The following MYO1D variants were observed in gnomAD, a reference collection of about 807,000 sequenced individuals.
MYO1D encodes myosin ID.
MYO1D carries 83 observed loss-of-function variants against 122.0 expected under a neutral mutation model. That is an observed-to-expected ratio of 0.68 (90% CI 0.57 to 0.82). The LOEUF (loss-of-function observed/expected upper bound fraction) is 0.82, where lower values mean the gene tolerates loss of function less well. MYO1D is among the 40% of genes least tolerant of loss of function. MYO1D has a pLI of 0.00. For synonymous variants in MYO1D, 464 were observed against 446.9 expected (o/e 1.04, Z -0.48); for missense variants, 1,157 against 1,269.5 (o/e 0.91, Z 1.35).
At chr17:32,539,579 G>A (rs1910775389) in intron 21 of MYO1D, among the ~76,000 whole-genome samples, 2 of 152,076 alleles carry the variant, frequency 1.3e-5, no homozygotes, top group Non-Finnish European at 2.9e-5. Context: ...TCCTTGACTT[G>A]TGGCTTCATC....
At chr17:32,537,307 T>C (rs561129392) in intron 21 of MYO1D, among the ~76,000 whole-genome samples, 1 of 152,350 alleles carries the variant, frequency 6.6e-6, no homozygotes, top group African/African-American at 2.4e-5. Flanking sequence ...GTTGCCTGTT[T>C]TTGTAAATAA....
chr17:32,814,583 G>A (rs2090598508), intron 1 of MYO1D, among the ~76,000 whole-genome samples: 1 of 152,174 alleles, frequency 6.6e-6, no homozygotes, highest in Non-Finnish European at 1.5e-5. Context: ...AGTAATGAAA[G>A]CAAGAGAAAG....
In MYO1D at chr17:32,750,339, C is replaced by T. The variant is rs1439445469; in HGVS notation, c.1468-1333G>A. ...CAAAAGTTTCCCTGGGGAGGCCAGG[C>T]GTGGTGGCTCACGTCTGTAATCCCA... On this transcript the variant is annotated intron_variant, in intron 11 of 21. Transcript: ENST00000318217. 3.3e-5 allele frequency among the ~76,000 whole-genome samples: 5 copies of T among 152,120 alleles called. No homozygotes were observed. In the East Asian group the frequency reaches 5.8e-4, roughly 18 times the overall value.
At chr17:32,508,462 G>C (rs1567870650) in intron 21 of MYO1D, among the ~76,000 whole-genome samples, 1 of 151,882 alleles carries the variant, frequency 6.6e-6, no homozygotes, top group Non-Finnish European at 1.5e-5. Flanking sequence ...TTTTACTAGA[G>C]ACGGAATTTT....
chr17:32,853,763 CT>C (rs938194544), intron 1 of MYO1D, among the ~76,000 whole-genome samples: 18 of 152,164 alleles, frequency 1.2e-4, no homozygotes, highest in African/African-American at 3.9e-4. Context: ...AATTATGGAT[CT>C]TTTTTTCCAC....
chr17:32,499,066 G>A lies in MYO1D; in HGVS notation c.2865-4151C>T, dbSNP rs146724969. ...AAAATACGAAAATTAGCCGGGTGTG[G>A]TGGTGGGTGCCTGTAGTTCCAGCTA... is the stretch of plus-strand genomic sequence containing the variant. On this transcript the variant is annotated intron_variant, in intron 21 of 21. Transcript: ENST00000318217. 4 of 152,368 alleles carry A rather than the reference G, an allele frequency of 2.6e-5. No individual in the cohort carries two copies. The East Asian group carries it at 5.8e-4, about 22-fold the overall frequency. The allele number at this position is 152,368 out of a possible 1,614,324, so 9.4% of individuals were successfully genotyped here.
intron 20 of MYO1D, among the ~76,000 whole-genome samples, chr17:32,610,021 C>A (rs1258929660): frequency 2.0e-5 from 3 of 152,196 alleles, no homozygotes; most frequent in Non-Finnish European, 4.4e-5. Flanking sequence ...TGATGTAGCA[C>A]TTCACAGGAG....
intron 16 of MYO1D, among the ~76,000 whole-genome samples, chr17:32,683,448 TGTTAA>T (rs1033476399): frequency 8.4e-4 from 128 of 152,294 alleles, no homozygotes; most frequent in Admixed American, 1.6e-3. Context: ...CCTTTCTGTT[TGTTAA>T]GTTTTCCTTC....
intron 20 of MYO1D, among the ~76,000 whole-genome samples, chr17:32,619,642 C>T (rs2087829370): frequency 6.6e-6 from 1 of 152,200 alleles, no homozygotes; most frequent in Non-Finnish European, 1.5e-5. Flanking sequence ...GGTAAAACTA[C>T]TAAATAATTG....
chr17:32,590,275 C>A (rs565798785), intron 21 of MYO1D, among the ~76,000 whole-genome samples: 6 of 152,308 alleles, frequency 3.9e-5, no homozygotes, highest in African/African-American at 1.2e-4. Context: ...ATATTCTCCT[C>A]CCTTCTATGG....
chr17:32,850,522 G>C (rs1280061649), intron 1 of MYO1D, among the ~76,000 whole-genome samples: 1 of 152,146 alleles, frequency 6.6e-6, no homozygotes, highest in Non-Finnish European at 1.5e-5. Flanking sequence ...TGTCTGAGCA[G>C]TATAAAAACT....
chr17:32,651,439 A>C (rs2088386697), intron 19 of MYO1D, among the ~76,000 whole-genome samples: 2 of 152,112 alleles, frequency 1.3e-5, no homozygotes, highest in Non-Finnish European at 2.9e-5. Context: ...AGTCTCTCTC[A>C]CTGTTGAAAA....
chr17:32,728,348 G>C (rs754406343), intron 14 of MYO1D, among the ~76,000 whole-genome samples: 1 of 151,934 alleles, frequency 6.6e-6, no homozygotes, highest in Non-Finnish European at 1.5e-5. Flanking sequence ...TGGGATTACA[G>C]GGTGCACACC....
intron 11 of MYO1D, among the ~76,000 whole-genome samples, chr17:32,753,716 T>C (rs1435754118): frequency 1.3e-5 from 2 of 152,034 alleles, no homozygotes; most frequent in Non-Finnish European, 2.9e-5. Context: ...CTGGCCAACA[T>C]GGTGAAACTC....
rs534603018 is a variant in MYO1D, at chr17:32,624,250, C to CTATGTTGGCCAGGCTGGTATTGA, written c.2709+14449_2709+14471dup. On this transcript the variant is annotated intron_variant, in intron 20 of 21. Transcript: ENST00000318217. ...TTTTTTTTGTAGAGACAGGGTCTTG[C>CTATGTTGGCCAGGCTGGTATTGA]TATGTTGGCCAGGCTGGTATTGAAC... Among the ~76,000 whole-genome samples, 625 of 132,474 alleles carry CTATGTTGGCCAGGCTGGTATTGA rather than the reference C, an allele frequency of 4.7e-3. 5 individuals carry two copies. The highest frequency in any genetic ancestry group is 0.017 in the African/African-American group (576 of 33,732). The allele number at this position is 132,474 out of a possible 152,430, so 86.9% of individuals were successfully genotyped here. A position where few individuals can be genotyped will look rare whatever the true frequency, so the allele number is the denominator to read the frequency against.
At chr17:32,495,101 C>G (rs1909042328) in intron 21 of MYO1D, among the ~76,000 whole-genome samples, 186 bp from the exon 22 acceptor site, 1 of 152,248 alleles carries the variant, frequency 6.6e-6, no homozygotes, top group Admixed American at 6.5e-5. Context: ...GGCCTCCAAC[C>G]ACAGCCTCGG....
chr17:32,494,524 G>T lies in MYO1D; in HGVS notation c.*235C>A. On this transcript the variant is annotated 3_prime_UTR_variant, in exon 22 of 22. Transcript: ENST00000318217. ...AGATTGGTCTGGACGTCAGCCCAGG[G>T]GTCTGGGCGGGGCACCAGGGTCTTT... 3.5e-6 allele frequency: 2 copies of T among 564,188 alleles called. No individual in the cohort carries two copies. The highest frequency in any genetic ancestry group is 6.2e-6 in the Non-Finnish European group (2 of 322,174). The allele number at this position is 564,188 out of a possible 1,614,324, so 34.9% of individuals were successfully genotyped here.
chr17:32,867,034 T>C (rs2091131741), intron 1 of MYO1D, among the ~76,000 whole-genome samples: 1 of 152,188 alleles, frequency 6.6e-6, no homozygotes, highest in Non-Finnish European at 1.5e-5. Context: ...TCTAAAAATA[T>C]GATATATTGA....
chr17:32,535,746 A>G (rs918417696), intron 21 of MYO1D, among the ~76,000 whole-genome samples: 2 of 151,688 alleles, frequency 1.3e-5, no homozygotes, highest in African/African-American at 4.9e-5. Context: ...GCAAGACTCC[A>G]TCTCAACAAA....
Sources: gnomAD v4.1 joint callset for allele counts (sites outside exome capture counted in the v4.1 genomes callset) on GRCh38, gnomAD v4.1.1 for gene constraint, MANE v1.5 for transcripts, NCBI Gene and HGNC (gene_info 2026-07-23, HGNC 2026-07-21) for gene names.